SLITRK3: variants seen among roughly 807,000 people sequenced by gnomAD.
The protein encoded by SLITRK3 is SLIT and NTRK like family member 3, also known as SLIT and NTRK-like protein 3.
A neutral mutation model predicts 63.6 loss-of-function variants in SLITRK3; 16 were observed. The observed-to-expected ratio is 0.25, with a 90% CI of 0.17 to 0.38. The LOEUF (loss-of-function observed/expected upper bound fraction) is 0.38, where lower values mean the gene tolerates loss of function less well. Among genes scored for constraint, SLITRK3 ranks in the 10% least tolerant of loss-of-function variants. The pLI is 1.00. For missense variants in SLITRK3, 1,117 were observed against 1,181.4 expected, an observed-to-expected ratio of 0.95 and a Z score of 0.80; for synonymous variants, 547 against 451.6, an observed-to-expected ratio of 1.21 and a Z score of -2.68.
intron 1 of SLITRK3, among the ~76,000 whole-genome samples, chr3:165,194,086 G>A (rs565643670): frequency 2.0e-5 from 3 of 152,184 alleles, no homozygotes; most frequent in African/African-American, 7.2e-5. Context: ...AACAGGACCC[G>A]TGTGCTGTGG....
chr3:165,190,191 G>C lies in SLITRK3; in HGVS notation c.640C>G (p.Arg214Gly), dbSNP rs769965808. ...RGNRLKVLFY[R>G]GMLDHIGRSL... ...CTGCCAATGTGATCTAGCATTCCTC[G>C]GTAAAAAAGAACCTTTAACCTATTT... The change falls in exon 2 of 2, where the codon CGA (arginine) becomes GGA (glycine). Residue 214 changes from arginine (R) to glycine (G), a missense_variant. Coordinates refer to ENST00000475390, the MANE Select transcript of SLITRK3 (RefSeq NM_001318810.2). 1.5e-5 allele frequency: 25 copies of C among 1,613,946 alleles called. No individual in the cohort carries two copies. The African/African-American group carries it at 2.3e-4, about 15-fold the overall frequency.
chr3:165,189,729 G>C lies in SLITRK3; in HGVS notation c.1102C>G (p.Pro368Ala). ...PPIAPYQTRPPIPIICPTGCT... is the reference protein window; with the variant it reads ...PPIAPYQTRPAIPIICPTGCT... The stretch of plus-strand genomic sequence containing the variant: ...CCAGTGGGGCATATAATGGGGATTG[G>C]TGGTCTGGTCTGATAAGGAGCAATG... Residue 368 changes from proline (P) to alanine (A), a missense_variant, in exon 2 of 2, where the codon CCA (proline) becomes GCA (alanine). Around this residue, in one of 4 missense-constraint regions of SLITRK3, gnomAD observed 452 missense variants for 495.3 expected, o/e 0.91. Transcript: ENST00000475390. The surrounding 1 kb of genome is among the most constrained non-coding windows in gnomAD (Gnocchi z 4.0). The C allele has an allele frequency of 6.2e-7, 1 of 1,614,170 alleles. No individual in the cohort carries two copies. The highest frequency in any genetic ancestry group is 8.5e-7 in the Non-Finnish European group (1 of 1,180,036).
chr3:165,189,791 G>A lies in SLITRK3; in HGVS notation c.1040C>T (p.Thr347Ile). 6.2e-7 allele frequency: 1 copy of A among 1,614,158 alleles called. No homozygotes were observed. Among genetic ancestry groups the A allele is most frequent in the Non-Finnish European group, 8.5e-7 (1 of 1,180,024 alleles). ...KQPRTPRPPS[T>I]SQALYPGPNQ... ...TGGACCAGGATATAAAGCTTGGGAG[G>A]TGGAGGGTGGCCTTGGTGTTCGAGG... is the stretch of plus-strand genomic sequence containing the variant. The change falls in exon 2 of 2, where the codon ACC (threonine) becomes ATC (isoleucine). Residue 347 changes from threonine (T) to isoleucine (I), a missense_variant. By Grantham distance (89) the Thr-to-Ile change is moderately conservative (BLOSUM62 -1). This residue lies in a region of SLITRK3 where 452 missense variants were observed against 495.3 expected (regional missense o/e 0.91). Coordinates refer to ENST00000475390, the MANE Select transcript of SLITRK3 (RefSeq NM_001318810.2). The surrounding 1 kb of genome is among the most constrained non-coding windows in gnomAD (Gnocchi z 4.0).
chr3:165,190,873 A>C lies in SLITRK3; in HGVS notation c.-21-22T>G, dbSNP rs1002970955. 2.7e-6 allele frequency: 4 copies of C among 1,507,184 alleles called. No individual in the cohort carries two copies. The Middle Eastern group carries it at 5.8e-4, about 218-fold the overall frequency. The allele number at this position is 1,507,184 out of a possible 1,614,324, so 93.4% of individuals were successfully genotyped here. A position where few individuals can be genotyped will look rare whatever the true frequency, so the allele number is the denominator to read the frequency against. On this transcript the variant is annotated intron_variant, in intron 1 of 1. Transcript: ENST00000475390. Reference sequence around the variant, plus strand: ...AAAACTGCAACAGAAATAAAAATGCAGATTTTTAGCTTTTAGTCATATGTA... The same window carrying C: ...AAAACTGCAACAGAAATAAAAATGCCGATTTTTAGCTTTTAGTCATATGTA...
chr3:165,188,496 C>A lies in SLITRK3; in HGVS notation c.2335G>T (p.Gly779Cys), dbSNP rs779923740. The change falls in exon 2 of 2, where the codon GGT (glycine) becomes TGT (cysteine). Residue 779 changes from glycine (G) to cysteine (C), a missense_variant. Physicochemically the swap from Gly to Cys is radical, Grantham distance 159. Around this residue, in one of 4 missense-constraint regions of SLITRK3, gnomAD observed 499 missense variants for 463.6 expected, o/e 1.08. Coordinates refer to ENST00000475390, the MANE Select transcript of SLITRK3 (RefSeq NM_001318810.2). Reference protein sequence around the residue: ...AQEAGSAERGGPGTQPPGMGE... With the variant: ...AQEAGSAERGCPGTQPPGMGE... Reference sequence around the variant, plus strand: ...ATTCCCGGTGGTTGTGTCCCTGGACCCCCACGTTCTGCACTCCCTGCTTCT... The same window carrying A: ...ATTCCCGGTGGTTGTGTCCCTGGACACCCACGTTCTGCACTCCCTGCTTCT... 6.2e-7 allele frequency: 1 copy of A among 1,613,798 alleles called. No homozygotes were observed. Among genetic ancestry groups the A allele is most frequent in the Non-Finnish European group, 8.5e-7 (1 of 1,179,918 alleles).
Position 165,188,620 on chromosome 3 carries a change from A to AC in SLITRK3, c.2210dup (p.His738SerfsTer4). On this transcript the variant is annotated frameshift_variant, in exon 2 of 2. Transcript: ENST00000475390. LOFTEE classifies it high-confidence loss of function. ...GGTGGGGGATGTACTCATACACATG[A>AC]CCCACGGGAGGGGCCTTCTCTGGAG... is the stretch of plus-strand genomic sequence containing the variant. 1 of 1,613,340 alleles carries AC rather than the reference A, an allele frequency of 6.2e-7. No homozygotes were observed. The highest frequency in any genetic ancestry group is 8.5e-7 in the Non-Finnish European group (1 of 1,179,800).
Position 165,190,263 on chromosome 3 carries a change from T to C in SLITRK3, c.568A>G (p.Thr190Ala), listed in dbSNP as rs768532993. 17 of 1,614,040 alleles carry C rather than the reference T, an allele frequency of 1.1e-5. No homozygotes were observed. The highest frequency in any genetic ancestry group is 1.4e-5 in the Non-Finnish European group (16 of 1,180,028). Residue 190 changes from threonine (T) to alanine (A), a missense_variant, in exon 2 of 2, where the codon ACC becomes GCC. Physicochemically the swap from Thr to Ala is moderately conservative, Grantham distance 58. Transcript: ENST00000475390. Reference sequence around the variant, plus strand: ...AAAGAGACAGCCTTAAATAAATTGGTTGGAAGCATGGGGATGAGATTATCA... The same window carrying C: ...AAAGAGACAGCCTTAAATAAATTGGCTGGAAGCATGGGGATGAGATTATCA... ...LNDNLIPMLPTNLFKAVSLTH... is the reference protein window; with the variant it reads ...LNDNLIPMLPANLFKAVSLTH...
chr3:165,187,926 C>G lies in SLITRK3; in HGVS notation c.2905G>C (p.Val969Leu). Residue 969 changes from valine to leucine, a missense_variant, in exon 2 of 2, where the codon GTC becomes CTC. By Grantham distance (32) the Val-to-Leu change is conservative. This residue lies in a region of SLITRK3 where 499 missense variants were observed against 463.6 expected (regional missense o/e 1.08). Transcript: ENST00000475390. ...AACCTGTATGTTGTCTTCTCCAGGA[C>G]TTCGAGGTAATCCGGCTTGGTTTGA... ...KLQTKPDYLE[V>L]LEKTTYRF 1 of 1,613,440 alleles carries G rather than the reference C, an allele frequency of 6.2e-7. No individual in the cohort carries two copies. Among genetic ancestry groups the G allele is most frequent in the Admixed American group, 1.7e-5 (1 of 59,940 alleles).
At position 165,190,093 on chromosome 3, in the gene SLITRK3, C is replaced by A. The variant is rs1718144820; in HGVS notation, c.738G>T (p.Trp246Cys). The change falls in exon 2 of 2, where the codon TGG (tryptophan) becomes TGT (cysteine). Residue 246 changes from tryptophan (W) to cysteine (C), a missense_variant. Around this residue, in one of 4 missense-constraint regions of SLITRK3, gnomAD observed 452 missense variants for 495.3 expected, o/e 0.91. Coordinates refer to ENST00000475390, the MANE Select transcript of SLITRK3 (RefSeq NM_001318810.2). ...GGGCAGTATAAGGAATGCGTTCCAG[C>A]CAACTCTTCAGTTGTACAATTTCAC... ...CTCEIVQLKS[W>C]LERIPYTALV... 1.2e-6 allele frequency: 2 copies of A among 1,614,128 alleles called. No homozygotes were observed. Among genetic ancestry groups the A allele is most frequent in the African/African-American group, 1.3e-5 (1 of 75,024 alleles).
Position 165,187,873 on chromosome 3 carries a change from C to T in SLITRK3, c.*24G>A. The T allele has an allele frequency of 2.0e-6, 3 of 1,497,014 alleles. No homozygotes were observed. Among genetic ancestry groups the T allele is most frequent in the Non-Finnish European group, 2.7e-6 (3 of 1,107,674 alleles). The allele number at this position is 1,497,014 out of a possible 1,614,324, so 92.7% of individuals were successfully genotyped here. A position where few individuals can be genotyped will look rare whatever the true frequency, so the allele number is the denominator to read the frequency against. On this transcript the variant is annotated 3_prime_UTR_variant, in exon 2 of 2. Transcript: ENST00000475390. ...TCCTTTTCTTTTGAAAAAAAAAAAG[C>T]ACTAATATATTTTCTTCTCTCTGTT...
rs1196354456 is a variant in SLITRK3 at position 165,188,416 on chromosome 3, A to G, written c.2415T>C (p.His805=). Reference sequence around the variant, plus strand: ...TTTCCAGCAAGGTCCGGTAGTTACTATGGTTCTCCTTGGGTGTCTCAGCAA... The same window carrying G: ...TTTCCAGCAAGGTCCGGTAGTTACTGTGGTTCTCCTTGGGTGTCTCAGCAA... ...EQFAETPKEN[H]SNYRTLLEKE... is the part of the protein sequence containing the mutation. Residue 805 remains histidine, a synonymous_variant, in exon 2 of 2, where the codon CAT becomes CAC. Coordinates refer to ENST00000475390, the MANE Select transcript of SLITRK3 (RefSeq NM_001318810.2). 3 of 1,613,740 alleles carry G rather than the reference A, an allele frequency of 1.9e-6. No homozygotes were observed. Among genetic ancestry groups the G allele is most frequent in the Middle Eastern group, 1.6e-4 (1 of 6,062 alleles).
chr3:165,189,698 G>A lies in SLITRK3; in HGVS notation c.1133C>T (p.Thr378Ile). 1 of 1,614,116 alleles carries A rather than the reference G, an allele frequency of 6.2e-7. No homozygotes were observed. The change falls in exon 2 of 2, where the codon ACC (threonine) becomes ATC (isoleucine). Residue 378 changes from threonine (T) to isoleucine (I), a missense_variant. By Grantham distance (89) the Thr-to-Ile change is moderately conservative. Around this residue, in one of 4 missense-constraint regions of SLITRK3, gnomAD observed 452 missense variants for 495.3 expected, o/e 0.91. Transcript: ENST00000475390. The surrounding 1 kb of genome is among the most constrained non-coding windows in gnomAD (Gnocchi z 4.0). ...AAGGTCATTGATGTGCAAATTACAG[G>A]TACACCCAGTGGGGCATATAATGGG... ...PIPIICPTGCTCNLHINDLGL... is the reference protein window; with the variant it reads ...PIPIICPTGCICNLHINDLGL...
At chr3:165,193,974 T>C (rs537089961) in intron 1 of SLITRK3, among the ~76,000 whole-genome samples, 3 of 152,252 alleles carry the variant, frequency 2.0e-5, no homozygotes, top group African/African-American at 4.8e-5. Flanking sequence ...GAGGAATTTT[T>C]TTAAGGCTCA....
At position 165,188,598 on chromosome 3, in the gene SLITRK3, G is replaced by A; in HGVS notation, c.2233C>T (p.His745Tyr). Reference protein sequence around the residue: ...PVGHVYEYIPHPVTQMCNNPI... With the variant: ...PVGHVYEYIPYPVTQMCNNPI... ...TTGTTGCACATTTGGGTAACCGGGT[G>A]GGGGATGTACTCATACACATGACCC... The change falls in exon 2 of 2, where the codon CAC becomes TAC. Residue 745 changes from histidine (H) to tyrosine (Y), a missense_variant. By Grantham distance (83) the His-to-Tyr change is moderately conservative (BLOSUM62 2). Coordinates refer to ENST00000475390, the MANE Select transcript of SLITRK3 (RefSeq NM_001318810.2). 1 of 1,614,008 alleles carries A rather than the reference G, an allele frequency of 6.2e-7. No individual in the cohort carries two copies. Among genetic ancestry groups the A allele is most frequent in the Non-Finnish European group, 8.5e-7 (1 of 1,180,016 alleles).
intron 1 of SLITRK3, among the ~76,000 whole-genome samples, chr3:165,192,918 A>T (rs1238240198): frequency 6.6e-6 from 1 of 152,024 alleles, no homozygotes; most frequent in Non-Finnish European, 1.5e-5. Context: ...CACAGGAGGG[A>T]GGCAGGGAGG....
At chr3:165,193,424 C>A (rs762049224) in intron 1 of SLITRK3, among the ~76,000 whole-genome samples, 5 of 151,958 alleles carry the variant, frequency 3.3e-5, no homozygotes, top group African/African-American at 7.2e-5. Context: ...TCGTAAGTAT[C>A]ATTTTCACAG....
chr3:165,189,599 T>C lies in SLITRK3; in HGVS notation c.1232A>G (p.Lys411Arg). ...CAGATTGCTACTCAGATACAGTTTC[T>C]TGGCATTCAAGGGCCTTGGAAGAAG... ...SELLPRPLNAKKLYLSSNLIQ... is the reference protein window; with the variant it reads ...SELLPRPLNARKLYLSSNLIQ... Residue 411 changes from lysine (K) to arginine (R), a missense_variant, in exon 2 of 2, where the codon AAG (lysine) becomes AGG (arginine). Around this residue, in one of 4 missense-constraint regions of SLITRK3, gnomAD observed 452 missense variants for 495.3 expected, o/e 0.91. Coordinates refer to ENST00000475390, the MANE Select transcript of SLITRK3 (RefSeq NM_001318810.2). This position sits in a 1 kb window ranked among gnomAD's most constrained non-coding sequence, Gnocchi z 4.0. 1.2e-6 allele frequency: 2 copies of C among 1,614,218 alleles called. No individual in the cohort carries two copies. Among genetic ancestry groups the C allele is most frequent in the Non-Finnish European group, 1.7e-6 (2 of 1,180,040 alleles).
At chr3:165,191,840 T>C (rs1426856270) in intron 1 of SLITRK3, among the ~76,000 whole-genome samples, 1 of 152,208 alleles carries the variant, frequency 6.6e-6, no homozygotes, top group Non-Finnish European at 1.5e-5. Context: ...GAAACCTCTA[T>C]TCTTACCTGC....
Position 165,188,501 on chromosome 3 carries a change from C to G in SLITRK3, c.2330G>C (p.Arg777Pro), listed in dbSNP as rs754951557. ...CGGTGGTTGTGTCCCTGGACCCCCA[C>G]GTTCTGCACTCCCTGCTTCTTGGGC... Reference protein sequence around the residue: ...SSAQEAGSAERGGPGTQPPGM... With the variant: ...SSAQEAGSAEPGGPGTQPPGM... The change falls in exon 2 of 2, where the codon CGT (arginine) becomes CCT (proline). Residue 777 changes from arginine to proline, a missense_variant. Arg to Pro is a moderately radical substitution (Grantham distance 103). Around this residue, in one of 4 missense-constraint regions of SLITRK3, gnomAD observed 499 missense variants for 463.6 expected, o/e 1.08. Coordinates refer to ENST00000475390, the MANE Select transcript of SLITRK3 (RefSeq NM_001318810.2). 1.9e-6 allele frequency: 3 copies of G among 1,613,876 alleles called. No individual in the cohort carries two copies. Among genetic ancestry groups the G allele is most frequent in the Middle Eastern group, 1.6e-4 (1 of 6,084 alleles).
Sources: allele counts gnomAD v4.1 joint callset (sites outside exome capture counted in the v4.1 genomes callset), GRCh38; gene constraint gnomAD v4.1.1; regional missense constraint gnomAD v4.1.1; non-coding constraint Gnocchi (gnomAD v3.1); transcripts MANE v1.5; gene names NCBI Gene and HGNC (gene_info 2026-07-23, HGNC 2026-07-21).